Variants in DTNB observed in about 807,000 individuals in gnomAD.
DTNB encodes the protein dystrobrevin beta, also known as DTN-B.
In DTNB, 63 loss-of-function variants were observed where a neutral mutation model predicts 90.7. The observed-to-expected ratio is 0.69, with a 90% CI of 0.57 to 0.86. The LOEUF is 0.86. DTNB is among the 40% of genes least tolerant of loss of function. The pLI is 0.00. For missense variants in DTNB, 744 were observed against 807.1 expected, an observed-to-expected ratio of 0.92 and a Z score of 0.95; for synonymous variants, 277 against 286.7, an observed-to-expected ratio of 0.97 and a Z score of 0.34.
At chr2:25,620,351 T>G (rs908370156) in intron 4 of DTNB, among the ~76,000 whole-genome samples, 1 of 152,164 alleles carries the variant, frequency 6.6e-6, no homozygotes, top group Non-Finnish European at 1.5e-5. Context: ...GATGAAACAG[T>G]GTCTTGATCA....
Position 25,465,420 on chromosome 2 carries a change from T to A in DTNB, c.1080-9926A>T, listed in dbSNP as rs573526875. Among the ~76,000 whole-genome samples the A allele has an allele frequency of 7.2e-5, 11 of 151,970 alleles. 2 individuals are homozygous for A. The East Asian group carries it at 1.9e-3, about 27-fold the overall frequency. ...AAAGAAACAAAGGAAGGGGTATGTA[T>A]ATGGGAACTTACTGTACTACTTTTG... On this transcript the variant is annotated intron_variant, in intron 10 of 20. Transcript: ENST00000406818.
chr2:25,408,590 A>G (rs952565766), intron 16 of DTNB, among the ~76,000 whole-genome samples: 1 of 150,214 alleles, frequency 6.7e-6, no homozygotes, highest in Non-Finnish European at 1.5e-5. Flanking sequence ...AGTTAACTTC[A>G]TTGCCTATAA....
intron 3 of DTNB, 126 bp from the exon 4 acceptor site, chr2:25,628,510 G>A: frequency 1.1e-6 from 1 of 889,184 alleles, no homozygotes; most frequent in African/African-American, 1.7e-5. Context: ...CCAACAATGA[G>A]GAAAACATTC....
chr2:25,466,072 C>T (rs1362865155), intron 10 of DTNB, among the ~76,000 whole-genome samples: 3 of 152,110 alleles, frequency 2.0e-5, no homozygotes, highest in South Asian at 2.1e-4. Flanking sequence ...TGGTGGCTCA[C>T]GCTTGTAATC....
chr2:25,382,748 C>T (rs575192017), intron 19 of DTNB, among the ~76,000 whole-genome samples: 19 of 152,018 alleles, frequency 1.2e-4, no homozygotes, highest in Admixed American at 1.2e-3. Context: ...AGGCTGCTCT[C>T]GAATTCCTGG....
At chr2:25,561,126 T>C (rs1489823063) in intron 8 of DTNB, among the ~76,000 whole-genome samples, 1 of 152,202 alleles carries the variant, frequency 6.6e-6, no homozygotes, top group Non-Finnish European at 1.5e-5. Flanking sequence ...TTCAACCCAC[T>C]GAACCTATAC....
intron 10 of DTNB, among the ~76,000 whole-genome samples, chr2:25,477,917 T>C (rs2064058629): frequency 6.6e-6 from 1 of 152,106 alleles, no homozygotes; most frequent in Non-Finnish European, 1.5e-5. Flanking sequence ...TTAGTTTTTC[T>C]CTGTTAAGTT....
intron 10 of DTNB, among the ~76,000 whole-genome samples, chr2:25,455,745 G>A (rs1395633166): frequency 6.6e-6 from 1 of 152,214 alleles, no homozygotes; most frequent in East Asian, 1.9e-4. Context: ...ACAGCCCTTG[G>A]GAAGAACCTG....
intron 9 of DTNB, among the ~76,000 whole-genome samples, chr2:25,485,195 G>T (rs922546503): frequency 6.6e-6 from 1 of 152,022 alleles, no homozygotes; most frequent in Non-Finnish European, 1.5e-5. Flanking sequence ...AAATAATAGA[G>T]ACAAGGTCTC....
chr2:25,588,751 G>A (rs1381895681), intron 6 of DTNB, among the ~76,000 whole-genome samples: 1 of 152,146 alleles, frequency 6.6e-6, no homozygotes, highest in Admixed American at 6.5e-5. Flanking sequence ...CTATGATCAA[G>A]TTCACACATG....
At chr2:25,533,990 ATT>A (rs34352170) in intron 8 of DTNB, among the ~76,000 whole-genome samples, 3 of 147,554 alleles carry the variant, frequency 2.0e-5, no homozygotes, top group South Asian at 2.2e-4. Context: ...TGCAGCGTTT[ATT>A]TTTTTTTTAA....
intron 16 of DTNB, 48 bp downstream of exon 16, chr2:25,419,467 A>G: frequency 6.4e-7 from 1 of 1,554,548 alleles, no homozygotes; most frequent in Non-Finnish European, 8.7e-7. Context: ...GAAAGGAAGA[A>G]CGTGCAAAGG....
rs371062484 is a variant in DTNB, at chr2:25,662,651, T to TAC, written c.-1-9992_-1-9991dup. On this transcript the variant is annotated intron_variant, in intron 1 of 20. Coordinates refer to ENST00000406818, the MANE Select transcript of DTNB (RefSeq NM_021907.5). ...TGAATATAACATACAAATATACAAA[T>TAC]ACACACACACACACACACACACACA... Among the ~76,000 whole-genome samples the TAC allele has an allele frequency of 5.4e-3, 701 of 129,304 alleles. 5 individuals are homozygous for TAC. Among genetic ancestry groups the TAC allele is most frequent in the East Asian group, 0.012 (53 of 4,278 alleles). 84.8% of individuals were successfully genotyped at this position (129,304 alleles called of 152,430 possible). A position where few individuals can be genotyped will look rare whatever the true frequency, so the allele number is the denominator to read the frequency against.
rs76876914 is a variant in DTNB at position 25,542,894 on chromosome 2, G to A, written c.877-11297C>T. On this transcript the variant is annotated intron_variant, in intron 8 of 20. Transcript: ENST00000406818. ...AATTCTTTTTTGAGGCTTCCTTTAT[G>A]TGGTCAATTTTTGTGTATTTGAAAA... Among the ~76,000 whole-genome samples, 517 of 151,356 alleles carry A rather than the reference G, an allele frequency of 3.4e-3. 2 individuals are homozygous for A. Among genetic ancestry groups the A allele is most frequent in the African/African-American group, 0.012 (490 of 41,258 alleles).
In DTNB at chr2:25,545,904, G is replaced by T. The variant is rs374331072; in HGVS notation, c.877-14307C>A. Among the ~76,000 whole-genome samples, 3 of 152,356 alleles carry T rather than the reference G, an allele frequency of 2.0e-5. No homozygotes were observed. In the East Asian group the frequency reaches 5.8e-4, roughly 29 times the overall value. The stretch of plus-strand genomic sequence containing the variant: ...CCCAAAGTGCTGGGATTACAGGCAT[G>T]AGCCACCGTGCCCGGCTTAGAAACT... On this transcript the variant is annotated intron_variant, in intron 8 of 20. Coordinates refer to ENST00000406818, the MANE Select transcript of DTNB (RefSeq NM_021907.5).
At chr2:25,481,808 G>A (rs1308903124) in intron 10 of DTNB, 1 of 152,222 alleles carries the variant, frequency 6.6e-6, no homozygotes, top group Non-Finnish European at 1.5e-5. Flanking sequence ...CCAGTTCACT[G>A]GGTCTGATGT....
intron 12 of DTNB, among the ~76,000 whole-genome samples, chr2:25,445,920 G>GTTTTTTTTTTTT (rs11453188): frequency 1.5e-5 from 2 of 137,088 alleles, no homozygotes; most frequent in African/African-American, 2.7e-5. Context: ...ACCCTGGGTA[G>GTTTTTTTTTTTT]TTTTTTTTTT....
At chr2:25,434,399 CTTTTTTTTTTT>C (rs1179596539) in intron 12 of DTNB, among the ~76,000 whole-genome samples, 1 of 95,506 alleles carries the variant, frequency 1.0e-5, no homozygotes, top group Non-Finnish European at 2.0e-5. Flanking sequence ...ATGAACTAGT[CTTTTTTTTTTT>C]TTTTTTTTTT....
chr2:25,388,180 G>A, intron 17 of DTNB, 22 bp downstream of exon 17: 1 of 1,553,142 alleles, frequency 6.4e-7, no homozygotes, highest in Non-Finnish European at 8.7e-7. Flanking sequence ...GCTCCCCGCT[G>A]AACTCTGCTC....
Sources: gnomAD v4.1 joint callset for allele counts (sites outside exome capture counted in the v4.1 genomes callset) on GRCh38, gnomAD v4.1.1 for gene constraint, MANE v1.5 for transcripts, NCBI Gene and HGNC (gene_info 2026-07-23, HGNC 2026-07-21) for gene names.